CNTNAP2: variants seen among roughly 807,000 people sequenced by gnomAD.
The protein encoded by CNTNAP2 is contactin associated protein 2.
Under a neutral mutation model 155.2 loss-of-function variants are expected in CNTNAP2, and 98 were observed. The ratio of observed to expected loss-of-function variants is 0.63; its 90% CI spans 0.54 to 0.75. The LOEUF (loss-of-function observed/expected upper bound fraction) is 0.75, where lower values mean the gene tolerates loss of function less well. Among genes scored for constraint, CNTNAP2 ranks in the 30% least tolerant of loss-of-function variants. CNTNAP2 has a pLI of 0.00. For synonymous variants in CNTNAP2, 651 were observed against 631.2 expected, an observed-to-expected ratio of 1.03 and a Z score of -0.47; for missense variants, 1,727 against 1,688.1, an observed-to-expected ratio of 1.02 and a Z score of -0.40.
chr7:147,623,755 TA>T (rs113470171), intron 12 of CNTNAP2, among the ~76,000 whole-genome samples: 12,925 of 151,564 alleles, frequency 0.085, 1,525 homozygotes, highest in African/African-American at 0.24. Context: ...AAAAAAATTT[TA>T]AATTTAAAAT....
At chr7:147,936,366 A>G (rs907317549) in intron 14 of CNTNAP2, among the ~76,000 whole-genome samples, 10 of 151,778 alleles carry the variant, frequency 6.6e-5, no homozygotes, top group African/African-American at 2.4e-4. Flanking sequence ...AGAGTGAGTG[A>G]ATATTGCTAG....
chr7:148,291,299 A>T (rs777134672), intron 21 of CNTNAP2, among the ~76,000 whole-genome samples: 364 of 10,032 alleles, frequency 0.036, 1 homozygote, highest in Non-Finnish European at 0.049. Context: ...TATATATATA[A>T]TATATATATA....
intron 1 of CNTNAP2, among the ~76,000 whole-genome samples, chr7:146,356,827 T>G (rs1404824531): frequency 1.3e-5 from 2 of 152,096 alleles, no homozygotes; most frequent in African/African-American, 4.8e-5. Flanking sequence ...CACACGCACT[T>G]TCTTTAAACA....
Position 148,031,937 on chromosome 7 carries a change from T to G in CNTNAP2, c.2383+53948T>G, listed in dbSNP as rs77382941. Reference sequence around the variant, plus strand: ...CACTCCCTAGAACTAAGTTATCTACTTAGGGAAGATCATTCGTCACTGCCA... The same window carrying G: ...CACTCCCTAGAACTAAGTTATCTACGTAGGGAAGATCATTCGTCACTGCCA... On this transcript the variant is annotated intron_variant, in intron 15 of 23. Transcript: ENST00000361727. Among the ~76,000 whole-genome samples, 266 of 152,272 alleles carry G rather than the reference T, an allele frequency of 1.7e-3. 4 individuals carry two copies. The East Asian group carries it at 0.046, about 27-fold the overall frequency.
At chr7:146,270,740 C>T (rs987635079) in intron 1 of CNTNAP2, among the ~76,000 whole-genome samples, 1 of 152,014 alleles carries the variant, frequency 6.6e-6, no homozygotes, top group Non-Finnish European at 1.5e-5. Context: ...TCAGCTCAGA[C>T]CCAGATTTAT....
chr7:148,057,148 T>TAAC (rs1460240490), intron 15 of CNTNAP2, among the ~76,000 whole-genome samples: 3 of 152,230 alleles, frequency 2.0e-5, no homozygotes, highest in African/African-American at 7.2e-5. Flanking sequence ...CTGTTGTTGT[T>TAAC]AACATAGTTT....
intron 1 of CNTNAP2, among the ~76,000 whole-genome samples, chr7:146,363,057 CCG>C (rs1795107026): frequency 7.2e-6 from 1 of 139,778 alleles, no homozygotes; most frequent in South Asian, 2.1e-4. Context: ...GTGTGAGCCA[CCG>C]CGCCTGGCCC....
intron 8 of CNTNAP2, among the ~76,000 whole-genome samples, chr7:147,241,728 T>C (rs1334098603): frequency 6.6e-6 from 1 of 152,114 alleles, no homozygotes; most frequent in Non-Finnish European, 1.5e-5. Context: ...CTCTCTATCC[T>C]TGCAACTCCT....
intron 8 of CNTNAP2, among the ~76,000 whole-genome samples, chr7:147,229,122 C>T (rs1311222671): frequency 6.6e-6 from 1 of 152,074 alleles, no homozygotes; most frequent in African/African-American, 2.4e-5. Context: ...AAAACCATTA[C>T]ACTGGTTAAA....
At chr7:147,595,507 C>T (rs566777316) in intron 12 of CNTNAP2, among the ~76,000 whole-genome samples, 6 of 152,244 alleles carry the variant, frequency 3.9e-5, no homozygotes, top group African/African-American at 1.4e-4. Flanking sequence ...CATTTAAAAA[C>T]GTTAGGTGGC....
intron 13 of CNTNAP2, among the ~76,000 whole-genome samples, chr7:147,809,516 T>C (rs1015665639): frequency 2.6e-5 from 4 of 152,188 alleles, no homozygotes; most frequent in Admixed American, 6.5e-5. Flanking sequence ...AGCATCAGGG[T>C]CAGGCCAGAT....
intron 3 of CNTNAP2, among the ~76,000 whole-genome samples, chr7:146,901,911 T>C (rs1796010685): frequency 1.4e-5 from 2 of 142,050 alleles, no homozygotes; most frequent in Admixed American, 7.3e-5. Flanking sequence ...TCTCTGGCTC[T>C]GTCACCCAGG....
intron 3 of CNTNAP2, among the ~76,000 whole-genome samples, chr7:146,899,011 C>T (rs1349891985): frequency 6.6e-6 from 1 of 152,088 alleles, no homozygotes; most frequent in Non-Finnish European, 1.5e-5. Context: ...ATAAATTATT[C>T]AACCTTTGTG....
chr7:148,405,546 C>T lies in CNTNAP2; in HGVS notation c.3716-3845C>T, dbSNP rs192584761. ...AGGTTCAAGCGGTTCAAGCAATTCT[C>T]CTGCTTCAGCCTCCTGAGTAGCTGG... On this transcript the variant is annotated intron_variant, in intron 22 of 23. Coordinates refer to ENST00000361727, the MANE Select transcript of CNTNAP2 (RefSeq NM_014141.6). 9.5e-3 allele frequency among the ~76,000 whole-genome samples: 1,153 copies of T among 121,152 alleles called. 11 individuals carry two copies. Among genetic ancestry groups the T allele is most frequent in the Admixed American group, 0.023 (214 of 9,368 alleles). The allele number at this position is 121,152 out of a possible 152,430, so 79.5% of individuals were successfully genotyped here. A position where few individuals can be genotyped will look rare whatever the true frequency, so the allele number is the denominator to read the frequency against.
chr7:147,058,573 A>G (rs1379158201), intron 4 of CNTNAP2, among the ~76,000 whole-genome samples: 1 of 152,208 alleles, frequency 6.6e-6, no homozygotes, highest in East Asian at 1.9e-4. Flanking sequence ...CTTAGCTTCC[A>G]CCTCAAAGGG....
At chr7:147,601,658 T>C (rs866381553) in intron 12 of CNTNAP2, among the ~76,000 whole-genome samples, 3 of 140,010 alleles carry the variant, frequency 2.1e-5, no homozygotes, top group Non-Finnish European at 3.1e-5. Context: ...TATATATATA[T>C]ATATATATAT....
At chr7:147,016,086 T>C (rs1394839982) in intron 3 of CNTNAP2, among the ~76,000 whole-genome samples, 1 of 152,122 alleles carries the variant, frequency 6.6e-6, no homozygotes, top group Non-Finnish European at 1.5e-5. Context: ...AGAAATTTGA[T>C]AATTTTCTAT....
chr7:147,154,594 A>C (rs1801887682), intron 8 of CNTNAP2, among the ~76,000 whole-genome samples: 1 of 152,166 alleles, frequency 6.6e-6, no homozygotes, highest in African/African-American at 2.4e-5. Context: ...AAAAAATGAC[A>C]GTCTGTCCTA....
chr7:147,343,089 G>T (rs914441192), intron 9 of CNTNAP2, among the ~76,000 whole-genome samples: 2 of 151,986 alleles, frequency 1.3e-5, no homozygotes, highest in African/African-American at 4.8e-5. Context: ...TTGTTGAATT[G>T]CACTGAACTT....
Sources: gnomAD v4.1 joint callset for allele counts (sites outside exome capture counted in the v4.1 genomes callset) on GRCh38, gnomAD v4.1.1 for gene constraint, MANE v1.5 for transcripts, NCBI Gene and HGNC (gene_info 2026-07-23, HGNC 2026-07-21) for gene names.